Variants in XKR5 observed in about 807,000 individuals in gnomAD.
XKR5 encodes the protein XK related 5, also known as XK-related protein 5.
A neutral mutation model predicts 40.8 loss-of-function variants in XKR5; 46 were observed. The observed-to-expected ratio is 1.13, with a 90% confidence interval of 0.89 to 1.44. The LOEUF is 1.44. Ranked by LOEUF, XKR5 falls within the 40% of genes most tolerant of loss-of-function variation. XKR5 has a pLI of 0.00. For missense variants in XKR5, 1,169 were observed against 844.7 expected, an observed-to-expected ratio of 1.38 and a Z score of -4.76; for synonymous variants, 466 against 356.1, an observed-to-expected ratio of 1.31 and a Z score of -3.48.
chr8:6,818,360 T>C (rs940586290), intron 5 of XKR5, among the ~76,000 whole-genome samples: 5 of 152,216 alleles, frequency 3.3e-5, no homozygotes, highest in African/African-American at 9.7e-5. Flanking sequence ...TTGTGTCCTG[T>C]AGGGTTTTGA....
intron 2 of XKR5, among the ~76,000 whole-genome samples, chr8:6,828,140 A>G (rs1804602636): frequency 6.6e-6 from 1 of 152,192 alleles, no homozygotes; most frequent in South Asian, 2.1e-4. Context: ...TGTGGAAAGA[A>G]AACATACAAA....
In XKR5 at chr8:6,811,772, T is replaced by A; in HGVS notation, c.1487A>T (p.Asp496Val). 1.3e-6 allele frequency: 2 copies of A among 1,537,640 alleles called. No homozygotes were observed. Among genetic ancestry groups the A allele is most frequent in the Non-Finnish European group, 8.7e-7 (1 of 1,147,010 alleles). Reference sequence around the variant, plus strand: ...TGCTGGGTTCTGGGTAGGTGCTTCATCCTGCTGATCGCTGGCAAAAGATAC... The same window carrying A: ...TGCTGGGTTCTGGGTAGGTGCTTCAACCTGCTGATCGCTGGCAAAAGATAC... ...SYVSFASDQQ[D>V]EAPTQNPAAT... The change falls in exon 7 of 7, where the codon GAT becomes GTT. Residue 496 changes from aspartate to valine, a missense_variant. By Grantham distance (152) the Asp-to-Val change is radical (BLOSUM62 -3). Coordinates refer to ENST00000618742, the MANE Select transcript of XKR5 (RefSeq NM_207411.5).
intron 2 of XKR5, among the ~76,000 whole-genome samples, chr8:6,826,662 C>A (rs768705601): frequency 3.9e-5 from 6 of 152,114 alleles, no homozygotes; most frequent in African/African-American, 1.4e-4. Context: ...ATGGGTGGAG[C>A]CCCCATAAGG....
At position 6,812,142 on chromosome 8, in the gene XKR5, T is replaced by C. The variant is rs753591544; in HGVS notation, c.1117A>G (p.Ile373Val). 3 of 1,551,050 alleles carry C rather than the reference T, an allele frequency of 1.9e-6. 1 individual carries two copies. The South Asian group carries it at 3.6e-5, about 18-fold the overall frequency. The change falls in exon 7 of 7, where the codon ATT (isoleucine) becomes GTT (valine). Residue 373 changes from isoleucine (I) to valine (V), a missense_variant. By Grantham distance (29) the Ile-to-Val change is conservative (BLOSUM62 3). Transcript: ENST00000618742. Reference protein sequence around the residue: ...SCQGASYEPTILGKPPTPEQV... With the variant: ...SCQGASYEPTVLGKPPTPEQV... Reference sequence around the variant, plus strand: ...TCAGGGGTAGGGGGCTTCCCTAAAATGGTTGGTTCATAACTTGCCCCTTGG... The same window carrying C: ...TCAGGGGTAGGGGGCTTCCCTAAAACGGTTGGTTCATAACTTGCCCCTTGG...
chr8:6,833,873 G>C (rs149802257), intron 1 of XKR5, among the ~76,000 whole-genome samples: 171 of 152,336 alleles, frequency 1.1e-3, no homozygotes, highest in African/African-American at 4.0e-3. Flanking sequence ...GGCAATATAC[G>C]ACATGTGTGA....
At chr8:6,831,830 C>A (rs560234580) in intron 2 of XKR5, among the ~76,000 whole-genome samples, 139 of 152,060 alleles carry the variant, frequency 9.1e-4, no homozygotes, top group Middle Eastern at 3.4e-3. Flanking sequence ...GCTGGCTAAC[C>A]CAGTGAAACC....
Position 6,825,086 on chromosome 8 carries a change from G to A in XKR5, c.427+79C>T, listed in dbSNP as rs1342346981. ...CTAAGCAGAGGAAATCTCGAAGGGAGGGTTTTGCTAAACAGGCTCACATTC... is the reference window on the plus strand; with the variant it reads ...CTAAGCAGAGGAAATCTCGAAGGGAAGGTTTTGCTAAACAGGCTCACATTC... On this transcript the variant is annotated intron_variant, in intron 3 of 6. Transcript: ENST00000618742. 12 of 1,547,920 alleles carry A rather than the reference G, an allele frequency of 7.8e-6. No individual in the cohort carries two copies. In the South Asian group the frequency reaches 1.3e-4, roughly 17 times the overall value.
At position 6,831,832 on chromosome 8, in the gene XKR5, A is replaced by G. The variant is rs532090139; in HGVS notation, c.242+885T>C. 1.8e-4 allele frequency among the ~76,000 whole-genome samples: 27 copies of G among 152,148 alleles called. No homozygotes were observed. In the East Asian group the frequency reaches 2.5e-3, roughly 14 times the overall value. The stretch of plus-strand genomic sequence containing the variant: ...AGACCGAGACGATGCTGGCTAACCC[A>G]GTGAAACCCTGTTTCGACTAAAAAT... On this transcript the variant is annotated intron_variant, in intron 2 of 6. Coordinates refer to ENST00000618742, the MANE Select transcript of XKR5 (RefSeq NM_207411.5).
intron 5 of XKR5, among the ~76,000 whole-genome samples, chr8:6,818,300 G>A (rs1426192548): frequency 1.3e-5 from 2 of 152,136 alleles, no homozygotes; most frequent in Non-Finnish European, 2.9e-5. Context: ...ATAGCACATC[G>A]TGCAGGTCCC....
Position 6,811,531 on chromosome 8 carries a change from G to A in XKR5, c.1728C>T (p.Ser576=), listed in dbSNP as rs1268575355. The A allele has an allele frequency of 6.5e-7, 1 of 1,533,964 alleles. No homozygotes were observed. The highest frequency in any genetic ancestry group is 1.4e-5 in the African/African-American group (1 of 73,154). The change falls in exon 7 of 7, where the codon AGC becomes AGT. Residue 576 remains serine (S), a synonymous_variant. Transcript: ENST00000618742. The part of the protein sequence containing the change: ...AHSGRRLGKS[S]PAQPASPHPV... ...GGTGGGGCGATGCAGGCTGGGCAGG[G>A]CTGCTCTTTCCCAGCCTCCTTCCAG...
intron 2 of XKR5, chr8:6,829,064 C>T (rs190700036): frequency 2.0e-5 from 3 of 152,636 alleles, no homozygotes; most frequent in East Asian, 1.9e-4. Context: ...AAGCCTCACT[C>T]GAGGGATCCT....
At chr8:6,817,534 C>T (rs1804019067) in intron 5 of XKR5, among the ~76,000 whole-genome samples, 1 of 151,910 alleles carries the variant, frequency 6.6e-6, no homozygotes, top group Non-Finnish European at 1.5e-5. Flanking sequence ...CAAACACTGA[C>T]CGAGTTTCCA....
intron 6 of XKR5, among the ~76,000 whole-genome samples, chr8:6,813,729 AC>A (rs1310224061): frequency 6.6e-6 from 1 of 151,718 alleles, no homozygotes; most frequent in African/African-American, 2.4e-5. Context: ...TGGGCTCCCT[AC>A]TCACTGCCCG....
chr8:6,819,460 G>A (rs1011446404), intron 5 of XKR5, among the ~76,000 whole-genome samples: 2 of 152,228 alleles, frequency 1.3e-5, no homozygotes, highest in Admixed American at 6.5e-5. Flanking sequence ...CTGGTTTCAG[G>A]TGCTGGCCAC....
Position 6,809,564 on chromosome 8 carries a change from C to G in XKR5, c.*1634G>C, listed in dbSNP as rs966211301. 1 of 152,186 alleles carries G rather than the reference C, an allele frequency of 6.6e-6. No individual in the cohort carries two copies. Among genetic ancestry groups the G allele is most frequent in the South Asian group, 2.1e-4 (1 of 4,828 alleles). 9.4% of individuals were successfully genotyped at this position (152,186 alleles called of 1,614,324 possible). A position where few individuals can be genotyped will look rare whatever the true frequency, so the allele number is the denominator to read the frequency against. ...TCAGCCTCTCAAAGTGCTGGGATTA[C>G]CGGTGTGAGCCCCTGCATCCGACCC... is the stretch of plus-strand genomic sequence containing the variant. On this transcript the variant is annotated 3_prime_UTR_variant, in exon 7 of 7. Transcript: ENST00000618742.
At chr8:6,830,265 A>T (rs961980983) in intron 2 of XKR5, among the ~76,000 whole-genome samples, 2 of 152,234 alleles carry the variant, frequency 1.3e-5, no homozygotes, top group South Asian at 4.1e-4. Flanking sequence ...TGCCAAACGC[A>T]ATTGTTTTGG....
chr8:6,816,564 C>T (rs941011390), intron 5 of XKR5, among the ~76,000 whole-genome samples: 4 of 151,510 alleles, frequency 2.6e-5, no homozygotes, highest in Non-Finnish European at 5.9e-5. Context: ...TAAAAAGATA[C>T]GTCTTCATTA....
chr8:6,824,839 T>C (rs1563357600), intron 3 of XKR5, among the ~76,000 whole-genome samples: 1 of 152,124 alleles, frequency 6.6e-6, no homozygotes, highest in Non-Finnish European at 1.5e-5. Context: ...ATTCTAATGA[T>C]TAAAGACACA....
Position 6,822,030 on chromosome 8 carries a change from A to G in XKR5, c.646T>C (p.Trp216Arg), listed in dbSNP as rs1275916133. The change falls in exon 5 of 7, where the codon TGG (tryptophan) becomes CGG (arginine). Residue 216 changes from tryptophan (W) to arginine (R), a missense_variant. By Grantham distance (101) the Trp-to-Arg change is moderately radical (BLOSUM62 -3). Coordinates refer to ENST00000618742, the MANE Select transcript of XKR5 (RefSeq NM_207411.5). ...FWVFVVAGAH[W>R]LVMTFWLVAQ... ...ACAAGCCAGAATGTCATCACCAGCC[A>G]GTGGGCACCTGCAGAGAAGCCGGGT... The G allele has an allele frequency of 6.2e-7, 1 of 1,604,978 alleles. No individual in the cohort carries two copies. The highest frequency in any genetic ancestry group is 1.7e-5 in the Admixed American group (1 of 58,732).
Sources: allele counts gnomAD v4.1 joint callset (sites outside exome capture counted in the v4.1 genomes callset), GRCh38; gene constraint gnomAD v4.1.1; transcripts MANE v1.5; gene names NCBI Gene and HGNC (gene_info 2026-07-23, HGNC 2026-07-21).